The following ATRNL1 variants were observed in gnomAD, a reference collection of about 807,000 sequenced individuals.
ATRNL1 encodes attractin-like protein 1.
ATRNL1 carries 95 observed loss-of-function variants against 182.7 expected under a neutral mutation model. The ratio of observed to expected loss-of-function variants is 0.52; its 90% CI spans 0.44 to 0.62. The LOEUF (loss-of-function observed/expected upper bound fraction) is 0.62, where lower values mean the gene tolerates loss of function less well. Ranked by LOEUF, ATRNL1 falls within the 20% of genes least tolerant of loss-of-function variation. The pLI is 0.00. For synonymous variants in ATRNL1, 576 were observed against 568.3 expected (o/e 1.01, Z -0.19); for missense variants, 1,471 against 1,679.5 (o/e 0.88, Z 2.17).
intron 7 of ATRNL1, 106 bp from the exon 8 acceptor site, chr10:115,170,931 G>A: frequency 1.6e-6 from 1 of 636,524 alleles, no homozygotes; most frequent in Non-Finnish European, 2.3e-6. Context: ...TATGCATGTT[G>A]TGAACAATTA....
chr10:115,551,078 A>C (rs1554995437), intron 26 of ATRNL1, among the ~76,000 whole-genome samples: 1 of 151,824 alleles, frequency 6.6e-6, no homozygotes, highest in Non-Finnish European at 1.5e-5. Context: ...TCTTAAAAGA[A>C]GGATTTGTAC....
intron 28 of ATRNL1, among the ~76,000 whole-genome samples, chr10:115,898,991 G>T (rs1350866118): frequency 6.6e-6 from 1 of 150,660 alleles, no homozygotes; most frequent in Non-Finnish European, 1.5e-5. Flanking sequence ...AAGTTCTAGG[G>T]TACATGTGCA....
chr10:115,716,085 T>C (rs1272230609), intron 26 of ATRNL1, among the ~76,000 whole-genome samples: 1 of 152,228 alleles, frequency 6.6e-6, no homozygotes, highest in Non-Finnish European at 1.5e-5. Flanking sequence ...AAATTCATTT[T>C]TTTTAAAAAA....
intron 19 of ATRNL1, among the ~76,000 whole-genome samples, chr10:115,374,634 C>T (rs1266885746): frequency 6.6e-6 from 1 of 151,172 alleles, no homozygotes; most frequent in Non-Finnish European, 1.5e-5. Flanking sequence ...ATAAATTTTC[C>T]TATTAGTATT....
intron 20 of ATRNL1, among the ~76,000 whole-genome samples, chr10:115,401,186 C>T (rs1844547877): frequency 6.6e-6 from 1 of 151,730 alleles, no homozygotes; most frequent in Non-Finnish European, 1.5e-5. Context: ...GTCACAGCCT[C>T]TTATTAGAAT....
At chr10:115,680,803 A>G (rs1464719965) in intron 26 of ATRNL1, among the ~76,000 whole-genome samples, 5 of 152,180 alleles carry the variant, frequency 3.3e-5, no homozygotes, top group African/African-American at 4.8e-5. Context: ...CAAGTGGACT[A>G]TAGAAAACAA....
chr10:115,742,622 C>T (rs1300371403), intron 27 of ATRNL1, among the ~76,000 whole-genome samples: 1 of 152,138 alleles, frequency 6.6e-6, no homozygotes, highest in Non-Finnish European at 1.5e-5. Context: ...TGAGCTCTGC[C>T]TGTTCTACAG....
chr10:115,865,257 A>C lies in ATRNL1; in HGVS notation c.4018+17266A>C, dbSNP rs146630126. 6.8e-3 allele frequency among the ~76,000 whole-genome samples: 1,033 copies of C among 152,314 alleles called. 13 individuals carry two copies. Among genetic ancestry groups the C allele is most frequent in the African/African-American group, 0.024 (983 of 41,578 alleles). On this transcript the variant is annotated intron_variant, in intron 28 of 28. Coordinates refer to ENST00000355044, the MANE Select transcript of ATRNL1 (RefSeq NM_207303.4). ...TAATGTTGATTTTCCAGTGTTAATC[A>C]TTGTACTCTGGTTATGTAAAATGTT...
At chr10:115,189,985 G>A (rs149405291) in intron 8 of ATRNL1, among the ~76,000 whole-genome samples, 110 of 152,100 alleles carry the variant, frequency 7.2e-4, no homozygotes, top group African/African-American at 2.5e-3. Context: ...CACAAATACC[G>A]TTGTGTTCTA....
rs192614616 is a variant in ATRNL1, at chr10:115,225,585, T to G, written c.1532+9705T>G. 5.9e-4 allele frequency among the ~76,000 whole-genome samples: 89 copies of G among 150,364 alleles called. 1 individual carries two copies. Among genetic ancestry groups the G allele is most frequent in the African/African-American group, 2.1e-3 (85 of 41,318 alleles). Reference sequence around the variant, plus strand: ...AGTAATTCTGTATACCAGGAACAGTTTAAAACTGATAATTTAAAAATAATA... The same window carrying G: ...AGTAATTCTGTATACCAGGAACAGTGTAAAACTGATAATTTAAAAATAATA... On this transcript the variant is annotated intron_variant, in intron 9 of 28. Coordinates refer to ENST00000355044, the MANE Select transcript of ATRNL1 (RefSeq NM_207303.4).
chr10:115,867,964 A>G (rs1360277281), intron 28 of ATRNL1, among the ~76,000 whole-genome samples: 2 of 152,044 alleles, frequency 1.3e-5, no homozygotes, highest in Admixed American at 1.3e-4. Flanking sequence ...GGGTTTTGCC[A>G]TGTTGGTGAG....
intron 5 of ATRNL1, among the ~76,000 whole-genome samples, chr10:115,149,063 G>C (rs1554880014): frequency 6.6e-6 from 1 of 152,046 alleles, no homozygotes; most frequent in African/African-American, 2.4e-5. Context: ...GGGGCTTTTG[G>C]AGGCGGTGTC....
chr10:115,616,353 G>T (rs1857429161), intron 26 of ATRNL1, among the ~76,000 whole-genome samples: 2 of 152,148 alleles, frequency 1.3e-5, no homozygotes, highest in African/African-American at 4.8e-5. Context: ...CTTGAAACTG[G>T]AAGTTATATT....
intron 19 of ATRNL1, among the ~76,000 whole-genome samples, chr10:115,388,953 C>A (rs1843821489): frequency 6.6e-6 from 1 of 152,014 alleles, no homozygotes; most frequent in Admixed American, 6.6e-5. Flanking sequence ...CATTTAAAAT[C>A]TACTCTTAGT....
At position 115,267,002 on chromosome 10, in the gene ATRNL1, A is replaced by T. The variant is rs781985313; in HGVS notation, c.1978A>T (p.Thr660Ser). The T allele has an allele frequency of 1.3e-6, 2 of 1,594,994 alleles. No individual in the cohort carries two copies. Among genetic ancestry groups the T allele is most frequent in the Non-Finnish European group, 1.7e-6 (2 of 1,167,722 alleles). Residue 660 changes from threonine (T) to serine (S), a missense_variant, in exon 12 of 29, where the codon ACA becomes TCA. Transcript: ENST00000355044. ...NILRAKCPPKTAASDDRCYRY... is the reference protein window; with the variant it reads ...NILRAKCPPKSAASDDRCYRY... ...TCTTAGAGCAAAGTGCCCTCCTAAA[A>T]CAGGTAAATTTCTTTTTCTTTTCGT...
At chr10:115,203,041 T>C (rs112614381) in intron 8 of ATRNL1, among the ~76,000 whole-genome samples, 3,401 of 152,274 alleles carry the variant, frequency 0.022, 48 homozygotes, top group South Asian at 0.035. Flanking sequence ...TAGTATTCTC[T>C]GATGGTAGTT....
chr10:115,867,930 T>C (rs1373746540), intron 28 of ATRNL1, among the ~76,000 whole-genome samples: 4 of 151,960 alleles, frequency 2.6e-5, no homozygotes, highest in African/African-American at 9.7e-5. Flanking sequence ...TTTAATTTAA[T>C]TTTTTTGTAT....
At chr10:115,252,770 T>A (rs536524738) in intron 10 of ATRNL1, among the ~76,000 whole-genome samples, 3 of 152,220 alleles carry the variant, frequency 2.0e-5, no homozygotes, top group Non-Finnish European at 2.9e-5. Context: ...CATTATCTTT[T>A]TCTAGAGCTC....
At chr10:115,221,256 G>T (rs1415763118) in intron 9 of ATRNL1, among the ~76,000 whole-genome samples, 1 of 152,198 alleles carries the variant, frequency 6.6e-6, no homozygotes, top group Non-Finnish European at 1.5e-5. Context: ...CTAACAGGGT[G>T]TTGAGAACCC....
Sources: gnomAD v4.1 joint callset for allele counts (sites outside exome capture counted in the v4.1 genomes callset) on GRCh38, gnomAD v4.1.1 for gene constraint, MANE v1.5 for transcripts, NCBI Gene and HGNC (gene_info 2026-07-23, HGNC 2026-07-21) for gene names.